CACNA1C: variants seen among roughly 807,000 people sequenced by gnomAD.
CACNA1C encodes calcium voltage-gated channel subunit alpha1 C.
Under a neutral mutation model 229.0 loss-of-function variants are expected in CACNA1C, and 30 were observed. The observed-to-expected ratio is 0.13, with a 90% CI of 0.10 to 0.18. The LOEUF (loss-of-function observed/expected upper bound fraction) is 0.18. Among genes scored for constraint, CACNA1C ranks in the 10% least tolerant of loss-of-function variants. The pLI is 1.00. For missense variants in CACNA1C, 1,658 were observed against 2,845.0 expected (o/e 0.58, Z 9.49); for synonymous variants, 1,114 against 1,132.5 (o/e 0.98, Z 0.33).
intron 3 of CACNA1C, among the ~76,000 whole-genome samples, chr12:2,244,095 C>T (rs2071880939): frequency 6.6e-6 from 1 of 152,242 alleles, no homozygotes; most frequent in South Asian, 2.1e-4. Context: ...CTTAAGCATC[C>T]TGCCCACTCT....
intron 1 of CACNA1C, among the ~76,000 whole-genome samples, chr12:2,092,574 G>A (rs2071706300): frequency 6.6e-6 from 1 of 152,218 alleles, no homozygotes; most frequent in African/African-American, 2.4e-5. Context: ...AGCAGGCTGG[G>A]AGAAGTTGCC....
At chr12:2,177,226 G>A (rs979746028) in intron 3 of CACNA1C, among the ~76,000 whole-genome samples, 7 of 152,168 alleles carry the variant, frequency 4.6e-5, no homozygotes, top group African/African-American at 1.7e-4. Flanking sequence ...GCAACCAGGA[G>A]AGGGGACGAT....
chr12:2,197,057 G>C (rs888862444), intron 3 of CACNA1C, among the ~76,000 whole-genome samples: 1 of 152,160 alleles, frequency 6.6e-6, no homozygotes, highest in African/African-American at 2.4e-5. Flanking sequence ...CCTACCTCCA[G>C]AGCCTGGCTT....
chr12:2,326,123 T>C (rs2096279754), intron 3 of CACNA1C, among the ~76,000 whole-genome samples: 2 of 152,054 alleles, frequency 1.3e-5, no homozygotes, highest in Middle Eastern at 3.4e-3. Context: ...CAGAAGGGCT[T>C]TTGAGGGGTG....
At chr12:2,542,571 G>C (rs1360209476) in intron 9 of CACNA1C, among the ~76,000 whole-genome samples, 1 of 152,070 alleles carries the variant, frequency 6.6e-6, no homozygotes, top group Non-Finnish European at 1.5e-5. Flanking sequence ...ACCCTCAGAG[G>C]GTTTGCTAAC....
intron 5 of CACNA1C, among the ~76,000 whole-genome samples, chr12:2,462,623 C>T (rs1029462918): frequency 3.3e-5 from 5 of 152,218 alleles, no homozygotes; most frequent in Non-Finnish European, 5.9e-5. Context: ...GTTACACGGA[C>T]GCCCATGGCG....
At position 2,651,435 on chromosome 12, in the gene CACNA1C, TCTAG is replaced by T; in HGVS notation, c.3946-202_3946-199del. On this transcript the variant is annotated intron_variant, in intron 31 of 46. Transcript: ENST00000399655. The surrounding 1 kb of genome is among the most constrained non-coding windows in gnomAD (Gnocchi z 5.4). The stretch of plus-strand genomic sequence containing the variant: ...CCACAGCCCAGCGGCCTGGGCACAG[TCTAG>T]CTCTGCAGAGACCATGGGGCTGGGC... 1.5e-6 allele frequency: 1 copy of T among 652,940 alleles called. No individual in the cohort carries two copies. The highest frequency in any genetic ancestry group is 2.7e-5 in the East Asian group (1 of 36,808). 40.4% of individuals were successfully genotyped at this position (652,940 alleles called of 1,614,324 possible).
intron 1 of CACNA1C, among the ~76,000 whole-genome samples, chr12:2,112,987 A>C (rs1403191129): frequency 6.6e-6 from 1 of 151,762 alleles, no homozygotes; most frequent in Non-Finnish European, 1.5e-5. Context: ...TGCAAGGGAC[A>C]GAGACCCAAT....
chr12:2,593,520 T>C (rs991810853), intron 19 of CACNA1C, among the ~76,000 whole-genome samples, 175 bp downstream of exon 19: 1 of 152,238 alleles, frequency 6.6e-6, no homozygotes, highest in African/African-American at 2.4e-5. Context: ...AGAAGACTTG[T>C]GTTTATTTTT....
intron 3 of CACNA1C, among the ~76,000 whole-genome samples, chr12:2,246,843 A>G (rs934993269): frequency 1.3e-5 from 2 of 152,130 alleles, no homozygotes; most frequent in Non-Finnish European, 2.9e-5. Context: ...CCCATCCAAG[A>G]ACTGTAATCT....
rs750266592 is a variant in CACNA1C, at chr12:2,597,193, C to T, written c.2794-37C>T. On this transcript the variant is annotated intron_variant, in intron 20 of 46. Coordinates refer to ENST00000399655, the MANE Select transcript of CACNA1C (RefSeq NM_000719.7). The surrounding 1 kb of genome is among the most constrained non-coding windows in gnomAD (Gnocchi z 4.3). ...TTCCCGTCCTGCTTTTCTCCCTTCCCCATCCCATCCCCACCCTGTTCCTTT... is the reference window on the plus strand; with the variant it reads ...TTCCCGTCCTGCTTTTCTCCCTTCCTCATCCCATCCCCACCCTGTTCCTTT... 3.6e-6 allele frequency: 5 copies of T among 1,385,934 alleles called. No individual in the cohort carries two copies. Among genetic ancestry groups the T allele is most frequent in the Admixed American group, 3.4e-5 (2 of 58,962 alleles). 85.9% of individuals were successfully genotyped at this position (1,385,934 alleles called of 1,614,324 possible).
intron 1 of CACNA1C, among the ~76,000 whole-genome samples, chr12:2,110,456 C>G (rs2081217056): frequency 6.6e-6 from 1 of 152,220 alleles, no homozygotes; most frequent in African/African-American, 2.4e-5. Flanking sequence ...AGAGCCAGAG[C>G]AGACTTAAAT....
intron 1 of CACNA1C, among the ~76,000 whole-genome samples, chr12:1,983,619 T>A (rs2036788959): frequency 1.3e-5 from 2 of 152,118 alleles, no homozygotes; most frequent in Non-Finnish European, 2.9e-5. Context: ...TAAAAATTTT[T>A]AAGGTTTGCT....
chr12:2,640,205 G>A (rs1037835460), intron 30 of CACNA1C, among the ~76,000 whole-genome samples: 3 of 152,120 alleles, frequency 2.0e-5, no homozygotes, highest in African/African-American at 7.2e-5. Flanking sequence ...AAGGCCACAC[G>A]GTGAATGGGA....
At chr12:2,142,009 G>A (rs1597145336) in intron 3 of CACNA1C, among the ~76,000 whole-genome samples, 1 of 151,128 alleles carries the variant, frequency 6.6e-6, no homozygotes, top group Non-Finnish European at 1.5e-5. Context: ...GGGGAGCACT[G>A]CCTCCTTGGG....
At chr12:2,339,097 G>A (rs1012997720) in intron 3 of CACNA1C, among the ~76,000 whole-genome samples, 1 of 152,236 alleles carries the variant, frequency 6.6e-6, no homozygotes, top group Non-Finnish European at 1.5e-5. Flanking sequence ...TTCATCATAT[G>A]TGAACATCAT....
intron 34 of CACNA1C, among the ~76,000 whole-genome samples, chr12:2,661,990 C>T (rs973216254): frequency 1.4e-4 from 21 of 152,262 alleles, no homozygotes; most frequent in Non-Finnish European, 2.2e-4. Context: ...CGCCTGTAAT[C>T]CCAGCACTTC....
intron 24 of CACNA1C, among the ~76,000 whole-genome samples, chr12:2,606,284 C>G (rs903782435): frequency 1.3e-5 from 2 of 152,054 alleles, no homozygotes; most frequent in African/African-American, 4.8e-5. Flanking sequence ...AGAGCATTCG[C>G]CCCCGCTCCC....
At chr12:2,683,824 C>A in intron 43 of CACNA1C, among the ~76,000 whole-genome samples, 1 of 152,238 alleles carries the variant, frequency 6.6e-6, no homozygotes, top group East Asian at 1.9e-4. Flanking sequence ...AACGGCAGCA[C>A]AGTGAAGCGT....
Sources: allele counts gnomAD v4.1 joint callset (sites outside exome capture counted in the v4.1 genomes callset), GRCh38; gene constraint gnomAD v4.1.1; non-coding constraint Gnocchi (gnomAD v3.1); transcripts MANE v1.5; gene names NCBI Gene and HGNC (gene_info 2026-07-23, HGNC 2026-07-21).